The following ARHGEF7 variants were observed in gnomAD, a reference collection of about 807,000 sequenced individuals.
The protein encoded by ARHGEF7 is Rho guanine nucleotide exchange factor 7, also known as PAK-interacting exchange factor beta.
ARHGEF7 carries 33 observed loss-of-function variants against 109.8 expected under a neutral mutation model. The ratio of observed to expected loss-of-function variants is 0.30; its 90% CI spans 0.23 to 0.40. The LOEUF is 0.40. Among genes scored for constraint, ARHGEF7 ranks in the 10% least tolerant of loss-of-function variants. The pLI is 1.00. For missense variants in ARHGEF7, 938 were observed against 1,098.5 expected (o/e 0.85, Z 2.07); for synonymous variants, 458 against 424.6 (o/e 1.08, Z -0.97).
chr13:111,265,145 A>G (rs796129097), intron 8 of ARHGEF7, among the ~76,000 whole-genome samples: 8 of 150,300 alleles, frequency 5.3e-5, no homozygotes, highest in Admixed American at 2.0e-4. Flanking sequence ...AAAAAAAAAA[A>G]AAGAAGACCC....
At chr13:111,128,069 T>C (rs888061411) in intron 1 of ARHGEF7, among the ~76,000 whole-genome samples, 3 of 152,178 alleles carry the variant, frequency 2.0e-5, no homozygotes, top group African/African-American at 7.2e-5. Flanking sequence ...CTCAACATGC[T>C]AAGGGGCATC....
At chr13:111,127,184 A>G (rs541789171) in intron 1 of ARHGEF7, among the ~76,000 whole-genome samples, 2 of 152,234 alleles carry the variant, frequency 1.3e-5, no homozygotes, top group Non-Finnish European at 2.9e-5. Flanking sequence ...ACTTTCTTGG[A>G]AGACACGAAG....
chr13:111,276,037 A>G, intron 12 of ARHGEF7: 1 of 260,778 alleles, frequency 3.8e-6, no homozygotes, highest in Non-Finnish European at 7.8e-6. Context: ...TCACTCTCAC[A>G]GGGACCTGCT....
rs184051422 is a variant in ARHGEF7, at chr13:111,139,679, G to C, written c.166-14226G>C. On this transcript the variant is annotated intron_variant, in intron 1 of 21. Transcript: ENST00000646102. ...GCTGCAGGAGCAGGCCAGCTGCTTAGGGGCAAACCCAATTTGGGGCCTGCG... is the reference window on the plus strand; with the variant it reads ...GCTGCAGGAGCAGGCCAGCTGCTTACGGGCAAACCCAATTTGGGGCCTGCG... 1.2e-4 allele frequency among the ~76,000 whole-genome samples: 18 copies of C among 152,374 alleles called. No homozygotes were observed. The East Asian group carries it at 3.1e-3, about 26-fold the overall frequency.
At chr13:111,234,374 G>A (rs1377286423) in intron 6 of ARHGEF7, among the ~76,000 whole-genome samples, 1 of 152,170 alleles carries the variant, frequency 6.6e-6, no homozygotes, top group Non-Finnish European at 1.5e-5. Flanking sequence ...CCCCAGCATC[G>A]TACTGCAGGA....
At chr13:111,284,320 G>T (rs952010007) in intron 16 of ARHGEF7, among the ~76,000 whole-genome samples, 3 of 152,122 alleles carry the variant, frequency 2.0e-5, no homozygotes, top group Non-Finnish European at 4.4e-5. Context: ...GGGTTTTAAG[G>T]CCCACAGGAA....
chr13:111,225,478 G>A (rs1362657160), intron 5 of ARHGEF7, among the ~76,000 whole-genome samples: 2 of 151,036 alleles, frequency 1.3e-5, no homozygotes, highest in Non-Finnish European at 2.9e-5. Flanking sequence ...TTTATAGGGC[G>A]TATCTCACTT....
intron 1 of ARHGEF7, among the ~76,000 whole-genome samples, chr13:111,150,553 A>G (rs776585839): frequency 6.6e-6 from 1 of 152,214 alleles, no homozygotes; most frequent in Non-Finnish European, 1.5e-5. Context: ...AAAGCCTTGA[A>G]AAGTTTTCAC....
In ARHGEF7 at chr13:111,119,750, G is replaced by A. The variant is rs2067050771; in HGVS notation, c.165+4059G>A. Among the ~76,000 whole-genome samples, 7 of 152,300 alleles carry A rather than the reference G, an allele frequency of 4.6e-5. No homozygotes were observed. The South Asian group carries it at 1.5e-3, about 32-fold the overall frequency. ...GAAATACTTTTTTCTAGGTAAACTG[G>A]AGACTCACTTTCTGCTCAGTGTCAG... On this transcript the variant is annotated intron_variant, in intron 1 of 21. Transcript: ENST00000646102.
rs2085527587 is a variant in ARHGEF7, at chr13:111,228,481, G to A, written c.671-4724G>A. ...AGAGAACACGGCGGGAGCGGATGAG[G>A]CAGGCTCGATGCTGAGGACTGCTAA... is the stretch of plus-strand genomic sequence containing the variant. On this transcript the variant is annotated intron_variant, in intron 5 of 21. Transcript: ENST00000646102. This position sits in a 1 kb window ranked among gnomAD's most constrained non-coding sequence, Gnocchi z 4.6. Among the ~76,000 whole-genome samples, 1 of 152,196 alleles carries A rather than the reference G, an allele frequency of 6.6e-6. No homozygotes were observed. Among genetic ancestry groups the A allele is most frequent in the Admixed American group, 6.5e-5 (1 of 15,286 alleles).
At chr13:111,267,806 G>A in intron 9 of ARHGEF7, 136 bp downstream of exon 9, 2 of 1,089,742 alleles carry the variant, frequency 1.8e-6, no homozygotes, top group Non-Finnish European at 2.6e-6. Context: ...CAAAATTAGT[G>A]CTTGAGAAGT....
At position 111,258,394 on chromosome 13, in the gene ARHGEF7, C is replaced by G. The variant is rs2090693810; in HGVS notation, c.951-9154C>G. 1.3e-5 allele frequency among the ~76,000 whole-genome samples: 2 copies of G among 152,258 alleles called. No individual in the cohort carries two copies. Among genetic ancestry groups the G allele is most frequent in the African/African-American group, 4.8e-5 (2 of 41,474 alleles). ...GGAGAGGAAAGACGGCTTTGTCTTG[C>G]AGCTTGGATACCAGCTCAGCCACAG... On this transcript the variant is annotated intron_variant, in intron 8 of 21. Coordinates refer to ENST00000646102, the MANE Select transcript of ARHGEF7 (RefSeq NM_001354046.2). This position sits in a 1 kb window ranked among gnomAD's most constrained non-coding sequence, Gnocchi z 4.4.
chr13:111,292,867 A>G (rs2079371483), intron 19 of ARHGEF7: 6 of 990,190 alleles, frequency 6.1e-6, no homozygotes, highest in Non-Finnish European at 7.2e-6. Context: ...ATCGTGCAGA[A>G]CAGCATGTGG....
At chr13:111,237,045 G>A (rs1050548530) in intron 6 of ARHGEF7, among the ~76,000 whole-genome samples, 13 of 152,222 alleles carry the variant, frequency 8.5e-5, no homozygotes, top group African/African-American at 3.1e-4. Flanking sequence ...TGCATTCAAA[G>A]AGAGGGCTGG....
chr13:111,127,532 A>G (rs2067650243), intron 1 of ARHGEF7, among the ~76,000 whole-genome samples: 1 of 151,382 alleles, frequency 6.6e-6, no homozygotes, highest in Non-Finnish European at 1.5e-5. Flanking sequence ...CTCTGGTCCC[A>G]GCTACTTAGG....
chr13:111,170,957 T>C (rs7334196), intron 2 of ARHGEF7, among the ~76,000 whole-genome samples: 11,637 of 152,300 alleles, frequency 0.076, 735 homozygotes, highest in African/African-American at 0.17. Flanking sequence ...TTTATCCTTT[T>C]TCTGTTGTTT....
chr13:111,244,674 C>G (rs955595376), intron 8 of ARHGEF7, among the ~76,000 whole-genome samples: 4 of 152,212 alleles, frequency 2.6e-5, no homozygotes, highest in African/African-American at 9.6e-5. Context: ...CAATATCCTG[C>G]AGCTTGCCTG....
At chr13:111,218,777 ATG>A (rs1365096466) in intron 5 of ARHGEF7, among the ~76,000 whole-genome samples, 2 of 152,130 alleles carry the variant, frequency 1.3e-5, no homozygotes, top group Non-Finnish European at 2.9e-5. Flanking sequence ...GGTTTATACT[ATG>A]TGTATGGAGT....
chr13:111,180,083 G>C (rs572728575), intron 2 of ARHGEF7, among the ~76,000 whole-genome samples: 1 of 152,330 alleles, frequency 6.6e-6, no homozygotes, highest in South Asian at 2.1e-4. Flanking sequence ...TGGTGGTTCA[G>C]GTGGTTCTCA....
Sources: gnomAD v4.1 joint callset for allele counts (sites outside exome capture counted in the v4.1 genomes callset) on GRCh38, gnomAD v4.1.1 for gene constraint, Gnocchi (gnomAD v3.1) non-coding constraint, MANE v1.5 for transcripts, NCBI Gene and HGNC (gene_info 2026-07-23, HGNC 2026-07-21) for gene names.